The following ZC3H13 variants were observed in gnomAD, a reference collection of about 807,000 sequenced individuals.
The protein encoded by ZC3H13 is zinc finger CCCH domain-containing protein 13.
A neutral mutation model predicts 204.1 loss-of-function variants in ZC3H13; 64 were observed. That is an observed-to-expected ratio of 0.31 (90% CI 0.26 to 0.39). ZC3H13 has a LOEUF of 0.39. Ranked by LOEUF, ZC3H13 falls within the 10% of genes least tolerant of loss-of-function variation. The pLI is 1.00. For synonymous variants in ZC3H13, 667 were observed against 693.7 expected, an observed-to-expected ratio of 0.96 and a Z score of 0.60; for missense variants, 1,833 against 2,082.7, an observed-to-expected ratio of 0.88 and a Z score of 2.33.
Position 46,045,370 on chromosome 13 carries a change from AC to A in ZC3H13, c.117+20del. On this transcript the variant is annotated intron_variant, in intron 2 of 18. Coordinates refer to ENST00000679008, the MANE Select transcript of ZC3H13 (RefSeq NM_001330564.2). ...ATAGAATTCTAAGAGAACCCCTGTG[AC>A]TATACTAGTGACAACTCACCTCTGC... 6.3e-7 allele frequency: 1 copy of A among 1,579,574 alleles called. No homozygotes were observed. The highest frequency in any genetic ancestry group is 8.7e-7 in the Non-Finnish European group (1 of 1,149,280).
intron 8 of ZC3H13, among the ~76,000 whole-genome samples, chr13:45,993,332 T>A (rs747502176): frequency 6.6e-6 from 1 of 152,208 alleles, no homozygotes; most frequent in South Asian, 2.1e-4. Context: ...CAAAAAACTA[T>A]GTCAGGGTGA....
Position 46,045,433 on chromosome 13 carries a change from A to G in ZC3H13, c.75T>C (p.Ser25=), listed in dbSNP as rs1271736869. 11 of 1,613,910 alleles carry G rather than the reference A, an allele frequency of 6.8e-6. No individual in the cohort carries two copies. The highest frequency in any genetic ancestry group is 1.7e-5 in the Admixed American group (1 of 60,014). Residue 25 remains serine (S), a synonymous_variant, in exon 2 of 19, where the codon AGT becomes AGC. Transcript: ENST00000679008. ...TGCTGGGTCCAAGCCTCTCAAATAC[A>G]CTGGGTCTTCGGGATGTGCTATCAG... ...TISDSTSRRP[S]VFERLGPSTG... is the part of the protein sequence containing the mutation.
At chr13:46,045,993 T>G (rs938012227) in intron 1 of ZC3H13, among the ~76,000 whole-genome samples, 6 of 152,226 alleles carry the variant, frequency 3.9e-5, no homozygotes, top group African/African-American at 1.4e-4. Context: ...TTATGTTTCA[T>G]AAGTTTAAGG....
At chr13:46,025,146 A>T (rs1213254372) in intron 4 of ZC3H13, among the ~76,000 whole-genome samples, 1 of 152,208 alleles carries the variant, frequency 6.6e-6, no homozygotes, top group Non-Finnish European at 1.5e-5. Flanking sequence ...ACATCTACAC[A>T]AATCTATCCA....
Position 45,969,230 on chromosome 13 carries a change from G to A in ZC3H13, c.3314C>T (p.Pro1105Leu), listed in dbSNP as rs148039843. The A allele has an allele frequency of 2.4e-5, 38 of 1,613,916 alleles. No homozygotes were observed. The highest frequency in any genetic ancestry group is 2.0e-4 in the African/African-American group (15 of 74,918). Residue 1105 changes from proline to leucine, a missense_variant, in exon 14 of 19, where the codon CCG becomes CTG. Pro to Leu is a moderately conservative substitution (Grantham distance 98). Coordinates refer to ENST00000679008, the MANE Select transcript of ZC3H13 (RefSeq NM_001330564.2). ...SPLSSLLPPP[P>L]PVATATATTV... ...TGTAGCAGTGGCAGTAGCCACAGGC[G>A]GTGGAGGAGGAAGAAGAGAAGATAG...
At chr13:46,027,365 C>G (rs2042605132) in intron 4 of ZC3H13, among the ~76,000 whole-genome samples, 4 of 152,174 alleles carry the variant, frequency 2.6e-5, no homozygotes, top group Non-Finnish European at 5.9e-5. Flanking sequence ...CTTGGCCTCC[C>G]AAAGTGCGGG....
intron 12 of ZC3H13, among the ~76,000 whole-genome samples, chr13:45,971,215 G>A (rs1566171406): frequency 6.6e-6 from 1 of 151,942 alleles, no homozygotes; most frequent in Non-Finnish European, 1.5e-5. Context: ...TATATCTCTT[G>A]GGTACTTAAA....
At chr13:46,044,854 A>G (rs2043834649) in intron 3 of ZC3H13, 101 bp downstream of exon 3, 1 of 737,092 alleles carries the variant, frequency 1.4e-6, no homozygotes, top group South Asian at 3.5e-5. Context: ...CAATATAGAA[A>G]ATCTGACCAA....
chr13:46,005,633 G>A (rs144356571), intron 7 of ZC3H13, among the ~76,000 whole-genome samples: 1 of 152,126 alleles, frequency 6.6e-6, no homozygotes, highest in Non-Finnish European at 1.5e-5. Context: ...AGGAGTATAG[G>A]TGCATACCAC....
intron 7 of ZC3H13, among the ~76,000 whole-genome samples, chr13:46,006,936 T>C (rs2041200382): frequency 6.6e-6 from 1 of 151,720 alleles, no homozygotes; most frequent in African/African-American, 2.4e-5. Flanking sequence ...GCCACATATC[T>C]CATTGCATAT....
intron 4 of ZC3H13, among the ~76,000 whole-genome samples, chr13:46,035,686 C>T (rs1385241204): frequency 6.6e-6 from 1 of 152,182 alleles, no homozygotes; most frequent in Non-Finnish European, 1.5e-5. Context: ...TGACTTTCTA[C>T]TATTTCTATT....
In ZC3H13 at chr13:45,968,025, C is replaced by T. The variant is rs1482437093; in HGVS notation, c.3800G>A (p.Arg1267His). The T allele has an allele frequency of 4.4e-6, 7 of 1,579,140 alleles. No individual in the cohort carries two copies. In the East Asian group the frequency reaches 6.7e-5, roughly 15 times the overall value. Reference protein sequence around the residue: ...GEPSRSTSSDRQDSRSHSSRR... With the variant: ...GEPSRSTSSDHQDSRSHSSRR... The stretch of plus-strand genomic sequence containing the variant: ...TGAACTATGGCTTCTTGAATCCTGG[C>T]GATCTAAAATAAATATACCATATAT... Residue 1267 changes from arginine to histidine, a missense_variant, in exon 15 of 19, where the codon CGC becomes CAC. Coordinates refer to ENST00000679008, the MANE Select transcript of ZC3H13 (RefSeq NM_001330564.2).
At position 45,988,945 on chromosome 13, in the gene ZC3H13, G is replaced by T. The variant is rs2039765350; in HGVS notation, c.1097C>A (p.Pro366His). 4 of 1,614,118 alleles carry T rather than the reference G, an allele frequency of 2.5e-6. No individual in the cohort carries two copies. Among genetic ancestry groups the T allele is most frequent in the Non-Finnish European group, 2.5e-6 (3 of 1,180,028 alleles). ...ATAAGGAGAGGCAGAGCGTCGTAAA[G>T]GTGGAGTTAGTGTCCGCTGATAAGA... ...SPSYQRTLTP[P>H]LRRSASPYPS... The change falls in exon 9 of 19, where the codon CCT becomes CAT. Residue 366 changes from proline to histidine, a missense_variant. Pro to His is a moderately conservative substitution (Grantham distance 77). This residue lies in a region of ZC3H13 where 1,574 missense variants were observed against 1,757.2 expected (regional missense o/e 0.90). Transcript: ENST00000679008.
intron 8 of ZC3H13, among the ~76,000 whole-genome samples, chr13:45,997,113 G>GAGT (rs201167642): frequency 1.3e-5 from 2 of 152,188 alleles, no homozygotes; most frequent in East Asian, 3.8e-4. Flanking sequence ...CTGCGTAAAT[G>GAGT]AGTAGTACTC....
chr13:45,988,031 C>T (rs17067523), intron 9 of ZC3H13, among the ~76,000 whole-genome samples: 2,542 of 152,214 alleles, frequency 0.017, 111 homozygotes, highest in Admixed American at 0.088. Flanking sequence ...TTTGATGACT[C>T]GGTTTGCAAT....
intron 15 of ZC3H13, 77 bp from the exon 16 acceptor site, chr13:45,965,509 G>T (rs1233723625): frequency 4.2e-6 from 6 of 1,432,678 alleles, no homozygotes; most frequent in Non-Finnish European, 5.7e-6. Context: ...AAAGGTAGAG[G>T]GTACACACAT....
chr13:45,985,824 C>T, intron 9 of ZC3H13, 63 bp from the exon 10 acceptor site: 2 of 1,402,154 alleles, frequency 1.4e-6, no homozygotes, highest in Admixed American at 2.3e-5. Flanking sequence ...AACTAGAAAA[C>T]ATATTTAATA....
chr13:45,970,023 A>C (rs1481080158), intron 13 of ZC3H13, 52 bp from the exon 14 acceptor site: 2 of 1,537,614 alleles, frequency 1.3e-6, no homozygotes, highest in Non-Finnish European at 1.7e-6. Context: ...TAACCACTGC[A>C]TGGTACATAT....
chr13:45,966,288 T>C (rs1952079606), intron 15 of ZC3H13, among the ~76,000 whole-genome samples: 1 of 152,136 alleles, frequency 6.6e-6, no homozygotes, highest in South Asian at 2.1e-4. Flanking sequence ...AAATAAAATA[T>C]AAGAAGTTAT....
Sources: allele counts gnomAD v4.1 joint callset (sites outside exome capture counted in the v4.1 genomes callset), GRCh38; gene constraint gnomAD v4.1.1; regional missense constraint gnomAD v4.1.1; transcripts MANE v1.5; gene names NCBI Gene and HGNC (gene_info 2026-07-23, HGNC 2026-07-21).